Variants in LRRC4B observed in about 807,000 individuals in gnomAD.
The protein encoded by LRRC4B is leucine-rich repeat-containing protein 4B.
Under a neutral mutation model 7.3 loss-of-function variants are expected in LRRC4B, and 1 was observed. That is an observed-to-expected ratio of 0.14 (90% CI 0.05 to 0.65). The LOEUF (loss-of-function observed/expected upper bound fraction) is 0.65. LRRC4B is among the 30% of genes least tolerant of loss of function. The pLI is 0.84. For synonymous variants in LRRC4B, 500 were observed against 499.2 expected, an observed-to-expected ratio of 1.00 and a Z score of -0.02; for missense variants, 730 against 1,041.6, an observed-to-expected ratio of 0.70 and a Z score of 4.12.
At chr19:50,552,672 C>T (rs142273351) in intron 1 of LRRC4B, among the ~76,000 whole-genome samples, 1,180 of 49,974 alleles carry the variant, frequency 0.024, 12 homozygotes, top group African/African-American at 0.035. Flanking sequence ...ATCCATCCAT[C>T]CATCCATCCA....
intron 1 of LRRC4B, among the ~76,000 whole-genome samples, chr19:50,560,722 T>C (rs1982434156): frequency 6.6e-6 from 1 of 152,234 alleles, no homozygotes; most frequent in Non-Finnish European, 1.5e-5. Flanking sequence ...ATGACACCTA[T>C]TAATAGCTTG....
In LRRC4B at chr19:50,518,150, G is replaced by A; in HGVS notation, c.1563C>T (p.Val521=). Residue 521 remains valine, a synonymous_variant, in exon 3 of 3, where the codon GTC becomes GTT. Transcript: ENST00000652263. The stretch of plus-strand genomic sequence containing the variant: ...CGTCCCCAGGCCGGCCCCCACCCCA[G>A]ACACCGTCTGTCGTGGGCCCTGGCG... ...KEPPGPTTDG[V]WGGGRPGDAA... 6.2e-7 allele frequency: 1 copy of A among 1,605,036 alleles called. No homozygotes were observed. The highest frequency in any genetic ancestry group is 1.1e-5 in the South Asian group (1 of 90,704).
chr19:50,567,295 C>A (rs1982660786), intron 1 of LRRC4B, among the ~76,000 whole-genome samples: 1 of 151,642 alleles, frequency 6.6e-6, no homozygotes, highest in South Asian at 2.1e-4. Flanking sequence ...GGGGTCCGAG[C>A]CGCCCACCAG....
intron 2 of LRRC4B, among the ~76,000 whole-genome samples, chr19:50,541,759 G>A (rs1488201832): frequency 2.0e-5 from 3 of 152,140 alleles, no homozygotes; most frequent in East Asian, 1.9e-4. Context: ...AATATCCTAC[G>A]GCCCGGCAAT....
intron 2 of LRRC4B, among the ~76,000 whole-genome samples, chr19:50,522,279 G>A (rs1212019471): frequency 6.6e-6 from 1 of 152,018 alleles, no homozygotes; most frequent in Non-Finnish European, 1.5e-5. Flanking sequence ...ACATTTTGTG[G>A]GTAATAACTC....
chr19:50,526,856 C>CA (rs567266120), intron 2 of LRRC4B, among the ~76,000 whole-genome samples: 3 of 138,500 alleles, frequency 2.2e-5, no homozygotes, highest in African/African-American at 5.2e-5. Context: ...TTATCTTTTA[C>CA]TTTTTTTTTT....
rs569539923 is a variant in LRRC4B, at chr19:50,526,404, C to T, written c.298-6989G>A. ...CTTACACAGGAGGATGTCCTGGTCCCGTCTCCCCACCCCAGTCTGGTCAGG... is the reference window on the plus strand; with the variant it reads ...CTTACACAGGAGGATGTCCTGGTCCTGTCTCCCCACCCCAGTCTGGTCAGG... On this transcript the variant is annotated intron_variant, in intron 2 of 2. Transcript: ENST00000652263. 4.6e-5 allele frequency among the ~76,000 whole-genome samples: 7 copies of T among 152,262 alleles called. No homozygotes were observed. In the South Asian group the frequency reaches 6.2e-4, roughly 14 times the overall value.
At chr19:50,525,055 C>G (rs1980745470) in intron 2 of LRRC4B, among the ~76,000 whole-genome samples, 1 of 152,334 alleles carries the variant, frequency 6.6e-6, no homozygotes, top group South Asian at 2.1e-4. Flanking sequence ...TCTCGCTCGG[C>G]CACCTCACAC....
chr19:50,522,978 G>A (rs1184909507), intron 2 of LRRC4B, among the ~76,000 whole-genome samples: 1 of 152,256 alleles, frequency 6.6e-6, no homozygotes, highest in African/African-American at 2.4e-5. Flanking sequence ...GAGGTGCAGT[G>A]ACTTGCCCAA....
At chr19:50,524,250 G>T (rs1431928127) in intron 2 of LRRC4B, among the ~76,000 whole-genome samples, 1 of 151,962 alleles carries the variant, frequency 6.6e-6, no homozygotes, top group East Asian at 1.9e-4. Flanking sequence ...ATGTTTGTTT[G>T]GTTGTTTTGT....
rs1282329248 is a variant in LRRC4B at position 50,530,117 on chromosome 19, C to T, written c.298-10702G>A. Reference sequence around the variant, plus strand: ...CACTCCCCCATTTCCTCTCCATCCCCACAGCCCAGCCCCGCCTCATCCTCT... The same window carrying T: ...CACTCCCCCATTTCCTCTCCATCCCTACAGCCCAGCCCCGCCTCATCCTCT... On this transcript the variant is annotated intron_variant, in intron 2 of 2. Coordinates refer to ENST00000652263, the MANE Select transcript of LRRC4B (RefSeq NM_001080457.2). 2.6e-5 allele frequency among the ~76,000 whole-genome samples: 4 copies of T among 152,148 alleles called. No individual in the cohort carries two copies. The East Asian group carries it at 5.8e-4, about 22-fold the overall frequency.
rs759152379 is a variant in LRRC4B at position 50,517,624 on chromosome 19, G to A, written c.2089C>T (p.Pro697Ser). The A allele has an allele frequency of 6.7e-7, 1 of 1,482,884 alleles. No homozygotes were observed. The highest frequency in any genetic ancestry group is 8.9e-7 in the Non-Finnish European group (1 of 1,119,370). The allele number at this position is 1,482,884 out of a possible 1,614,324, so 91.9% of individuals were successfully genotyped here. A position where few individuals can be genotyped will look rare whatever the true frequency, so the allele number is the denominator to read the frequency against. The change falls in exon 3 of 3, where the codon CCT (proline) becomes TCT (serine). Residue 697 changes from proline to serine, a missense_variant. Physicochemically the swap from Pro to Ser is moderately conservative, Grantham distance 74 (BLOSUM62 -1). Transcript: ENST00000652263. This position sits in a 1 kb window ranked among gnomAD's most constrained non-coding sequence, Gnocchi z 6.6. ...GPPGLNSIHE[P>S]LLFKSGSKEN... ...TTGGAGCCGCTCTTGAAGAGCAGAGGTTCGTGGATGGAGTTGAGGCCAGGC... is the reference window on the plus strand; with the variant it reads ...TTGGAGCCGCTCTTGAAGAGCAGAGATTCGTGGATGGAGTTGAGGCCAGGC...
intron 2 of LRRC4B, among the ~76,000 whole-genome samples, chr19:50,525,012 G>A (rs1980741193): frequency 6.6e-6 from 1 of 152,236 alleles, no homozygotes; most frequent in Admixed American, 6.5e-5. Flanking sequence ...GGCAGAGCTG[G>A]GCAGGGCTGG....
intron 2 of LRRC4B, among the ~76,000 whole-genome samples, chr19:50,543,335 GGT>G (rs143123202): frequency 0.014 from 2,048 of 144,838 alleles, 54 homozygotes; most frequent in African/African-American, 0.047. Flanking sequence ...GCCAGGCCCT[GGT>G]GTGTGTGTGT....
chr19:50,518,524 G>C lies in LRRC4B; in HGVS notation c.1189C>G (p.Leu397Val). ...GTCATGAGGGTGCCGTTGGGCGTCA[G>C]CCAGTTGACGGAGGTCATGGAGGTG... ...TGTSMTSVNW[L>V]TPNGTLMTHG... The change falls in exon 3 of 3, where the codon CTG becomes GTG. Residue 397 changes from leucine (L) to valine (V), a missense_variant. This residue lies in a region of LRRC4B where 226 missense variants were observed against 448.0 expected (regional missense o/e 0.50). Coordinates refer to ENST00000652263, the MANE Select transcript of LRRC4B (RefSeq NM_001080457.2). The C allele has an allele frequency of 6.4e-7, 1 of 1,572,644 alleles. No homozygotes were observed. Among genetic ancestry groups the C allele is most frequent in the Non-Finnish European group, 8.6e-7 (1 of 1,156,900 alleles).
In LRRC4B at chr19:50,548,171, G is replaced by A. The variant is rs1055188012; in HGVS notation, c.297+371C>T. On this transcript the variant is annotated intron_variant, in intron 2 of 2. Coordinates refer to ENST00000652263, the MANE Select transcript of LRRC4B (RefSeq NM_001080457.2). This position sits in a 1 kb window ranked among gnomAD's most constrained non-coding sequence, Gnocchi z 6.8. ...CATGCCGTCACCTTCCCAAGGCCACGAGAGGGTGTGGTGGTGCAGATGCCA... is the reference window on the plus strand; with the variant it reads ...CATGCCGTCACCTTCCCAAGGCCACAAGAGGGTGTGGTGGTGCAGATGCCA... Among the ~76,000 whole-genome samples, 5 of 152,182 alleles carry A rather than the reference G, an allele frequency of 3.3e-5. No individual in the cohort carries two copies. In the South Asian group the frequency reaches 8.3e-4, roughly 25 times the overall value.
Position 50,542,136 on chromosome 19 carries a change from C to CT in LRRC4B, c.297+6405dup, listed in dbSNP as rs1199527945. Among the ~76,000 whole-genome samples the CT allele has an allele frequency of 4.6e-5, 7 of 152,278 alleles. No individual in the cohort carries two copies. In the South Asian group the frequency reaches 1.0e-3, roughly 23 times the overall value. On this transcript the variant is annotated intron_variant, in intron 2 of 2. Transcript: ENST00000652263. ...ATCCACAGTAAACACATTAGGAGGA[C>CT]TTTCTGTGGGGAGAGGGTAAGGCGG...
intron 2 of LRRC4B, among the ~76,000 whole-genome samples, chr19:50,527,348 C>CT (rs59423387): frequency 0.013 from 1,680 of 124,470 alleles, 18 homozygotes; most frequent in Middle Eastern, 0.026. Context: ...TTTCTTTTTT[C>CT]TTTTTTTTTT....
rs1429458252 is a variant in LRRC4B, at chr19:50,537,863, G to A, written c.297+10679C>T. On this transcript the variant is annotated intron_variant, in intron 2 of 2. Coordinates refer to ENST00000652263, the MANE Select transcript of LRRC4B (RefSeq NM_001080457.2). This position sits in a 1 kb window ranked among gnomAD's most constrained non-coding sequence, Gnocchi z 5.5. ...GATAACTCAGCTGGAATGAGAGCCAGGGAGGCCGCAGTTAGACACGAAGTC... is the reference window on the plus strand; with the variant it reads ...GATAACTCAGCTGGAATGAGAGCCAAGGAGGCCGCAGTTAGACACGAAGTC... Among the ~76,000 whole-genome samples the A allele has an allele frequency of 6.6e-6, 1 of 152,114 alleles. No individual in the cohort carries two copies. The highest frequency in any genetic ancestry group is 1.5e-5 in the Non-Finnish European group (1 of 68,028).
Sources: gnomAD v4.1 joint callset for allele counts (sites outside exome capture counted in the v4.1 genomes callset) on GRCh38, gnomAD v4.1.1 for gene constraint, gnomAD v4.1.1 regional missense constraint, Gnocchi (gnomAD v3.1) non-coding constraint, MANE v1.5 for transcripts, NCBI Gene and HGNC (gene_info 2026-07-23, HGNC 2026-07-21) for gene names.